Variants in SS18L1 observed in about 807,000 individuals in gnomAD.
The protein encoded by SS18L1 is calcium-responsive transactivator.
SS18L1 carries 32 observed loss-of-function variants against 70.3 expected under a neutral mutation model. The ratio of observed to expected loss-of-function variants is 0.46; its 90% CI spans 0.34 to 0.61. The LOEUF (loss-of-function observed/expected upper bound fraction) is 0.61, where lower values mean the gene tolerates loss of function less well. SS18L1 is among the 20% of genes least tolerant of loss of function. SS18L1 has a pLI of 0.01. For missense variants in SS18L1, 430 were observed against 542.1 expected, an observed-to-expected ratio of 0.79 and a Z score of 2.05; for synonymous variants, 237 against 229.7, an observed-to-expected ratio of 1.03 and a Z score of -0.29.
intron 9 of SS18L1, 127 bp downstream of exon 9, chr20:62,172,928 G>A (rs997067912): frequency 7.8e-5 from 118 of 1,516,622 alleles, no homozygotes; most frequent in Non-Finnish European, 9.0e-5. Context: ...GGTAAGAGGC[G>A]AGCACGCTCC....
chr20:62,171,027 G>A (rs1012480763), intron 8 of SS18L1, among the ~76,000 whole-genome samples: 2 of 151,690 alleles, frequency 1.3e-5, no homozygotes, highest in African/African-American at 4.9e-5. Flanking sequence ...TCAGCCTCCC[G>A]AGTAGCTGGG....
At chr20:62,171,111 C>A (rs989121096) in intron 8 of SS18L1, among the ~76,000 whole-genome samples, 44 of 152,226 alleles carry the variant, frequency 2.9e-4, no homozygotes, top group African/African-American at 1.0e-3. Context: ...ACCATGTTAG[C>A]CAGGATGATC....
At chr20:62,164,549 G>T (rs1016338332) in intron 7 of SS18L1, among the ~76,000 whole-genome samples, 8 of 152,248 alleles carry the variant, frequency 5.3e-5, no homozygotes, top group East Asian at 1.9e-4. Flanking sequence ...GCGGATAATT[G>T]TAGCTCCTAG....
intron 10 of SS18L1, chr20:62,175,169 C>T (rs571682150): frequency 2.2e-6 from 2 of 904,938 alleles, no homozygotes; most frequent in East Asian, 1.2e-4. Flanking sequence ...GCCCCAGGCT[C>T]AGCCTAGGGA....
At position 62,158,765 on chromosome 20, in the gene SS18L1, C is replaced by T; in HGVS notation, c.146+17C>T. 1.2e-6 allele frequency: 2 copies of T among 1,613,024 alleles called. No homozygotes were observed. Among genetic ancestry groups the T allele is most frequent in the Non-Finnish European group, 1.7e-6 (2 of 1,180,008 alleles). On this transcript the variant is annotated intron_variant, in intron 2 of 10. Coordinates refer to ENST00000331758, the MANE Select transcript of SS18L1 (RefSeq NM_198935.3). The surrounding 1 kb of genome is among the most constrained non-coding windows in gnomAD (Gnocchi z 4.5). ...GTGCACGCAGTGAGTGCCCGCCATA[C>T]ACCGGAACACTTGGAGGGTGTCATG...
In SS18L1 at chr20:62,164,392, G is replaced by A. The variant is rs535772510; in HGVS notation, c.823+146G>A. Reference sequence around the variant, plus strand: ...GCCTGGGCTACAGGCAGAGTGGCCAGACGCCCTGCAGGAGCAAGGTAGGGG... The same window carrying A: ...GCCTGGGCTACAGGCAGAGTGGCCAAACGCCCTGCAGGAGCAAGGTAGGGG... On this transcript the variant is annotated intron_variant, in intron 7 of 10. Coordinates refer to ENST00000331758, the MANE Select transcript of SS18L1 (RefSeq NM_198935.3). The A allele has an allele frequency of 2.3e-5, 20 of 873,130 alleles. No homozygotes were observed. In the African/African-American group the frequency reaches 2.9e-4, roughly 13 times the overall value. The allele number at this position is 873,130 out of a possible 1,614,324, so 54.1% of individuals were successfully genotyped here.
At chr20:62,162,690 AC>A in intron 4 of SS18L1, 61 bp from the exon 5 acceptor site, 1 of 1,530,992 alleles carries the variant, frequency 6.5e-7, no homozygotes, top group African/African-American at 1.4e-5. Context: ...GGGTGTCTTC[AC>A]CTTCAGAAGT....
chr20:62,167,682 C>A, intron 8 of SS18L1, among the ~76,000 whole-genome samples: 1 of 152,236 alleles, frequency 6.6e-6, no homozygotes. Context: ...GGCCCTGTCC[C>A]TTCCAGCTGG....
chr20:62,159,474 G>A lies in SS18L1; in HGVS notation c.147-403G>A, dbSNP rs142545427. On this transcript the variant is annotated intron_variant, in intron 2 of 10. Transcript: ENST00000331758. The surrounding 1 kb of genome is among the most constrained non-coding windows in gnomAD (Gnocchi z 4.4). ...TTCTTTCCAGGGCTTTCTCAGGGTCGTTGGCTCTATGGAGTCCGCCCACTG... is the reference window on the plus strand; with the variant it reads ...TTCTTTCCAGGGCTTTCTCAGGGTCATTGGCTCTATGGAGTCCGCCCACTG... 3.5e-4 allele frequency among the ~76,000 whole-genome samples: 53 copies of A among 152,254 alleles called. No homozygotes were observed. The highest frequency in any genetic ancestry group is 6.3e-4 in the Non-Finnish European group (43 of 67,998).
rs986926191 is a variant in SS18L1 at position 62,174,869 on chromosome 20, A to G, written c.1164+225A>G. The G allele has an allele frequency of 3.1e-5, 44 of 1,423,882 alleles. No homozygotes were observed. The Admixed American group carries it at 8.5e-4, about 28-fold the overall frequency. 88.2% of individuals were successfully genotyped at this position (1,423,882 alleles called of 1,614,324 possible). On this transcript the variant is annotated intron_variant, in intron 10 of 10. Coordinates refer to ENST00000331758, the MANE Select transcript of SS18L1 (RefSeq NM_198935.3). The surrounding 1 kb of genome is among the most constrained non-coding windows in gnomAD (Gnocchi z 4.1). ...CTTTTCATACCCTAAGCTCACCGTT[A>G]GATCTGCACGCCTGGTTCTCACATT...
chr20:62,166,350 G>T (rs2057431330), intron 8 of SS18L1, among the ~76,000 whole-genome samples: 1 of 152,234 alleles, frequency 6.6e-6, no homozygotes, highest in Admixed American at 6.5e-5. Flanking sequence ...TTATCAAGAG[G>T]TAACAGTGTT....
Position 62,179,263 on chromosome 20 carries a change from A to G in SS18L1, c.*55A>G. The G allele has an allele frequency of 1.2e-6, 2 of 1,606,610 alleles. No individual in the cohort carries two copies. The highest frequency in any genetic ancestry group is 1.7e-6 in the Non-Finnish European group (2 of 1,173,314). ...GGTAGCGTGTTCATCCAGGGGCCGG[A>G]TGGGCTGGCGGCAGCTCTGGTGAAT... On this transcript the variant is annotated 3_prime_UTR_variant, in exon 11 of 11. Coordinates refer to ENST00000331758, the MANE Select transcript of SS18L1 (RefSeq NM_198935.3).
chr20:62,169,505 A>T (rs548822466), intron 8 of SS18L1, among the ~76,000 whole-genome samples: 1 of 152,310 alleles, frequency 6.6e-6, no homozygotes, highest in Non-Finnish European at 1.5e-5. Flanking sequence ...GGGGCCGGGC[A>T]GAGTGGCTCA....
intron 1 of SS18L1, among the ~76,000 whole-genome samples, chr20:62,147,326 G>A (rs1444578302): frequency 6.6e-6 from 1 of 152,194 alleles, no homozygotes; most frequent in Non-Finnish European, 1.5e-5. Context: ...GGAACCCTGC[G>A]GTGGGGCTGG....
rs2057088788 is a variant in SS18L1 at position 62,149,420 on chromosome 20, C to G, written c.69+5531C>G. Among the ~76,000 whole-genome samples the G allele has an allele frequency of 2.0e-5, 3 of 152,246 alleles. No individual in the cohort carries two copies. The South Asian group carries it at 6.2e-4, about 31-fold the overall frequency. On this transcript the variant is annotated intron_variant, in intron 1 of 10. Coordinates refer to ENST00000331758, the MANE Select transcript of SS18L1 (RefSeq NM_198935.3). ...GTCTGATTCTAATCGGCCACCACAG[C>G]TGCTGTGCACAATGGGGACGGAAAT...
chr20:62,177,504 CCT>C (rs1474162788), intron 10 of SS18L1, among the ~76,000 whole-genome samples: 1 of 150,918 alleles, frequency 6.6e-6, no homozygotes, highest in Admixed American at 6.6e-5. Flanking sequence ...AGCTTTCCTC[CCT>C]CCCCCACTTC....
At chr20:62,162,618 C>A in intron 4 of SS18L1, 134 bp from the exon 5 acceptor site, 2 of 893,136 alleles carry the variant, frequency 2.2e-6, no homozygotes, top group Non-Finnish European at 3.3e-6. Flanking sequence ...ATTTATTAGT[C>A]ACTTAATCAT....
chr20:62,144,199 G>T (rs1268805141), intron 1 of SS18L1, among the ~76,000 whole-genome samples: 1 of 151,624 alleles, frequency 6.6e-6, no homozygotes, highest in African/African-American at 2.4e-5. Flanking sequence ...CCCCGAGCGC[G>T]CTGTCCCCCG....
Position 62,158,956 on chromosome 20 carries a change from C to T in SS18L1, c.146+208C>T, listed in dbSNP as rs557149096. The stretch of plus-strand genomic sequence containing the variant: ...CCCAGCACGGAGGTCAGATATGTCC[C>T]GAGAGTCCCCCAGCACGGAGGCCAG... On this transcript the variant is annotated intron_variant, in intron 2 of 10. Transcript: ENST00000331758. This position sits in a 1 kb window ranked among gnomAD's most constrained non-coding sequence, Gnocchi z 4.5. 6.3e-6 allele frequency: 10 copies of T among 1,576,174 alleles called. No individual in the cohort carries two copies. The highest frequency in any genetic ancestry group is 2.7e-5 in the African/African-American group (2 of 74,256).
Sources: allele counts gnomAD v4.1 joint callset (sites outside exome capture counted in the v4.1 genomes callset), GRCh38; gene constraint gnomAD v4.1.1; non-coding constraint Gnocchi (gnomAD v3.1); transcripts MANE v1.5; gene names NCBI Gene and HGNC (gene_info 2026-07-23, HGNC 2026-07-21).